GNB4: variants seen among roughly 807,000 people sequenced by gnomAD.
GNB4 encodes the protein guanine nucleotide-binding protein subunit beta-4.
A neutral mutation model predicts 45.2 loss-of-function variants in GNB4; 28 were observed. That is an observed-to-expected ratio of 0.62 (90% confidence interval 0.46 to 0.85). The LOEUF (loss-of-function observed/expected upper bound fraction) is 0.85. Among genes scored for constraint, GNB4 ranks in the 40% least tolerant of loss-of-function variants. The pLI, the probability that GNB4 is intolerant of heterozygous loss-of-function variation, is 0.00. For missense variants in GNB4, 321 were observed against 425.4 expected, an observed-to-expected ratio of 0.75 and a Z score of 2.16; for synonymous variants, 132 against 143.7, an observed-to-expected ratio of 0.92 and a Z score of 0.58.
the GNB4 span, among the ~76,000 whole-genome samples, chr3:179,521,178 T>C: frequency 6.6e-6 from 1 of 152,160 alleles, no homozygotes; most frequent in Non-Finnish European, 1.5e-5. Flanking sequence ...TTTCTTCCCT[T>C]CTGTCAGACA....
At chr3:179,459,685 C>T in the GNB4 span, among the ~76,000 whole-genome samples, 1 of 132,822 alleles carries the variant, frequency 7.5e-6, no homozygotes, top group South Asian at 2.4e-4. Context: ...TCCATCTTAA[C>T]AAAAAAAAGA....
chr3:179,414,279 GAT>G (rs1714732777), intron 6 of GNB4, among the ~76,000 whole-genome samples: 1 of 152,094 alleles, frequency 6.6e-6, no homozygotes, highest in Non-Finnish European at 1.5e-5. Flanking sequence ...CTTTATGAAA[GAT>G]GTGGCATTTG....
the GNB4 span, among the ~76,000 whole-genome samples, chr3:179,477,843 A>G: frequency 6.6e-6 from 1 of 152,080 alleles, no homozygotes; most frequent in South Asian, 2.1e-4. Context: ...GCTCCTCTAA[A>G]TTCTTCCAAG....
upstream of GNB4, among the ~76,000 whole-genome samples, chr3:179,451,977 C>T (rs1235126873): frequency 1.3e-5 from 2 of 152,162 alleles, no homozygotes; most frequent in African/African-American, 2.4e-5. Context: ...AGTTGTAGGA[C>T]CGTGTACCGT....
the GNB4 span, among the ~76,000 whole-genome samples, chr3:179,486,251 T>C: frequency 6.7e-6 from 1 of 149,986 alleles, no homozygotes; most frequent in Non-Finnish European, 1.5e-5. Flanking sequence ...AAAAGATGCA[T>C]GTTCTGTAAT....
the GNB4 span, among the ~76,000 whole-genome samples, chr3:179,496,859 AAG>A: frequency 1.3e-5 from 2 of 152,234 alleles, no homozygotes; most frequent in South Asian, 4.1e-4. Context: ...TTAAAGAACT[AAG>A]AGAGAAATAA....
At chr3:179,519,267 G>T in the GNB4 span, among the ~76,000 whole-genome samples, 23 of 152,156 alleles carry the variant, frequency 1.5e-4, no homozygotes. Flanking sequence ...CACTTCCAGA[G>T]CCCCTAAAAC....
chr3:179,517,774 GT>G, the GNB4 span, among the ~76,000 whole-genome samples: 1 of 152,056 alleles, frequency 6.6e-6, no homozygotes, highest in Non-Finnish European at 1.5e-5. Context: ...AAGGAGACAC[GT>G]TTTATCCGTG....
At chr3:179,446,028 T>C (rs1715712085) in intron 1 of GNB4, among the ~76,000 whole-genome samples, 1 of 152,234 alleles carries the variant, frequency 6.6e-6, no homozygotes, top group Non-Finnish European at 1.5e-5. Context: ...ATGTGATTTC[T>C]ATTTCAAAAA....
At chr3:179,510,998 C>A in the GNB4 span, among the ~76,000 whole-genome samples, 1 of 152,142 alleles carries the variant, frequency 6.6e-6, no homozygotes, top group Non-Finnish European at 1.5e-5. Context: ...GACTCCCACC[C>A]CCCACCTACA....
At chr3:179,496,067 G>C in the GNB4 span, among the ~76,000 whole-genome samples, 2 of 152,222 alleles carry the variant, frequency 1.3e-5, no homozygotes, top group East Asian at 3.9e-4. Flanking sequence ...AAACTGTAAT[G>C]GTGGTATGTA....
chr3:179,410,345 T>C (rs2108585918), intron 8 of GNB4: 1 of 152,306 alleles, frequency 6.6e-6, no homozygotes, highest in South Asian at 2.1e-4. Context: ...AGTTGATTTA[T>C]TTATTGATTG....
intron 1 of GNB4, among the ~76,000 whole-genome samples, chr3:179,435,282 T>C (rs946022869): frequency 3.3e-5 from 5 of 152,102 alleles, no homozygotes; most frequent in African/African-American, 1.2e-4. Flanking sequence ...AACCCATACT[T>C]CTCTGATTAT....
chr3:179,403,826 T>G (rs3866322), intron 9 of GNB4, among the ~76,000 whole-genome samples: 106,006 of 150,824 alleles, frequency 0.7, 37,661 homozygotes, highest in African/African-American at 0.79. Context: ...AAAATAAAGT[T>G]AAGTAAAATA....
the GNB4 span, among the ~76,000 whole-genome samples, chr3:179,515,846 T>C: frequency 6.6e-6 from 1 of 151,604 alleles, no homozygotes; most frequent in African/African-American, 2.4e-5. Context: ...GAACCTAGAG[T>C]GGGAGAGATT....
chr3:179,518,209 T>C, the GNB4 span, among the ~76,000 whole-genome samples: 1 of 152,200 alleles, frequency 6.6e-6, no homozygotes, highest in African/African-American at 2.4e-5. Context: ...GCAATGCTGC[T>C]TGACCCCAAT....
the GNB4 span, among the ~76,000 whole-genome samples, chr3:179,499,162 T>C: frequency 1.6e-4 from 23 of 146,906 alleles, no homozygotes; most frequent in South Asian, 1.3e-3. Context: ...TTTCTTTTTT[T>C]TTTTTTTTTT....
the GNB4 span, among the ~76,000 whole-genome samples, chr3:179,501,042 T>C: frequency 6.6e-6 from 1 of 152,172 alleles, no homozygotes; most frequent in Non-Finnish European, 1.5e-5. Context: ...TTGGATGAAG[T>C]GACTCTCTCA....
rs1023795806 is a variant in GNB4, at chr3:179,416,418, A to G, written c.267+75T>C. 1.1e-5 allele frequency: 9 copies of G among 839,416 alleles called. 1 individual carries two copies. Among genetic ancestry groups the G allele is most frequent in the Admixed American group, 1.1e-4 (4 of 37,656 alleles). The allele number at this position is 839,416 out of a possible 1,614,324, so 52.0% of individuals were successfully genotyped here. The stretch of plus-strand genomic sequence containing the variant: ...CAGAAAGCAATTTAAGTTTGAGGTA[A>G]AAGAATAAAGGAAAGAACTGGTGAA... On this transcript the variant is annotated intron_variant, in intron 5 of 9. Transcript: ENST00000232564.
Sources: allele counts gnomAD v4.1 joint callset (sites outside exome capture counted in the v4.1 genomes callset), GRCh38; gene constraint gnomAD v4.1.1; transcripts MANE v1.5; gene names NCBI Gene and HGNC (gene_info 2026-07-23, HGNC 2026-07-21).